Variants in RCC2 observed in about 807,000 individuals in gnomAD.
RCC2 encodes the protein protein RCC2.
In RCC2, 19 loss-of-function variants were observed where a neutral mutation model predicts 64.1. The ratio of observed to expected loss-of-function variants is 0.30; its 90% CI spans 0.21 to 0.44. The LOEUF is 0.44. RCC2 is among the 20% of genes least tolerant of loss of function. The pLI is 1.00. For synonymous variants in RCC2, 325 were observed against 279.6 expected (o/e 1.16, Z -1.62); for missense variants, 508 against 710.4 (o/e 0.72, Z 3.24).
intron 3 of RCC2, among the ~76,000 whole-genome samples, chr1:17,426,325 C>T (rs2075615775): frequency 6.6e-6 from 1 of 152,162 alleles, no homozygotes; most frequent in South Asian, 2.1e-4. Context: ...ACCCCACCTC[C>T]TGCTCCCTTC....
In RCC2 at chr1:17,409,958, A is replaced by C. The variant is rs2075407100; in HGVS notation, c.1464+16T>G. The C allele has an allele frequency of 1.2e-6, 2 of 1,611,656 alleles. No individual in the cohort carries two copies. The highest frequency in any genetic ancestry group is 1.7e-4 in the Middle Eastern group (1 of 6,050). On this transcript the variant is annotated intron_variant, in intron 12 of 12. Coordinates refer to ENST00000375436, the MANE Select transcript of RCC2 (RefSeq NM_018715.4). The stretch of plus-strand genomic sequence containing the variant: ...TACGGACACGTCCCCGAGCTGGCAC[A>C]GCTGCCCCCACTCACCTGCTCTGAG...
At chr1:17,418,180 C>T (rs1204199675) in intron 7 of RCC2, among the ~76,000 whole-genome samples, 2 of 151,518 alleles carry the variant, frequency 1.3e-5, no homozygotes, top group African/African-American at 2.4e-5. Context: ...GTTTACAGGG[C>T]GCCTTATAAC....
intron 7 of RCC2, among the ~76,000 whole-genome samples, chr1:17,417,288 C>T (rs111462342): frequency 6.6e-6 from 1 of 152,350 alleles, no homozygotes; most frequent in South Asian, 2.1e-4. Context: ...TGAGAACACG[C>T]CAGACACCCA....
At chr1:17,437,649 C>G (rs982734155) in intron 2 of RCC2, among the ~76,000 whole-genome samples, 1 of 4,182 alleles carries the variant, frequency 2.4e-4, no homozygotes, top group South Asian at 0.1. Flanking sequence ...GGGGCTTCCC[C>G]GACCTCGGGG....
chr1:17,424,416 G>T (rs796625334), intron 4 of RCC2, among the ~76,000 whole-genome samples: 8 of 152,332 alleles, frequency 5.3e-5, no homozygotes, highest in African/African-American at 1.9e-4. Context: ...GACATAAAAG[G>T]CTGTGTTCAG....
At position 17,413,706 on chromosome 1, in the gene RCC2, G is replaced by A. The variant is rs1424346510; in HGVS notation, c.1038C>T (p.Asp346=). 2.5e-6 allele frequency: 4 copies of A among 1,609,222 alleles called. No individual in the cohort carries two copies. In the South Asian group the frequency reaches 3.3e-5, roughly 13 times the overall value. The part of the protein sequence containing the change: ...ACGANHTLVL[D]SQKRVFSWGF... ...CCCAGGAGAAGACTCGCTTCTGGGA[G>A]TCCAGGACCAGCTGCAAGGAAAGAA... Residue 346 remains aspartate, a synonymous_variant, in exon 9 of 13, where the codon GAC becomes GAT. Coordinates refer to ENST00000375436, the MANE Select transcript of RCC2 (RefSeq NM_018715.4).
chr1:17,414,017 T>TCC (rs1298577255), intron 8 of RCC2, among the ~76,000 whole-genome samples: 1 of 151,948 alleles, frequency 6.6e-6, no homozygotes, highest in African/African-American at 2.4e-5. Context: ...ATCCTCTACC[T>TCC]CCCGCCTCCA....
At chr1:17,420,663 C>A in intron 7 of RCC2, 51 bp downstream of exon 7, 1 of 1,193,542 alleles carries the variant, frequency 8.4e-7, no homozygotes, top group South Asian at 1.5e-5. Context: ...ATCTCTAGTT[C>A]TGAATATATA....
In RCC2 at chr1:17,425,684, G is replaced by A; in HGVS notation, c.380C>T (p.Ala127Val). Reference protein sequence around the residue: ...IGRKEVPKQQAAYRNLGQNLW... With the variant: ...IGRKEVPKQQVAYRNLGQNLW... The stretch of plus-strand genomic sequence containing the variant: ...ATTCTGACCGAGATTGCGGTAAGCA[G>A]CTGCAGAGAGAATGAGAATGCAGAT... Residue 127 changes from alanine to valine, a missense_variant and splice_region_variant, in exon 4 of 13, where the codon GCT becomes GTT. By Grantham distance (64) the Ala-to-Val change is moderately conservative (BLOSUM62 0). Around this residue, in one of 4 missense-constraint regions of RCC2, gnomAD observed 132 missense variants for 207.3 expected, o/e 0.64. Coordinates refer to ENST00000375436, the MANE Select transcript of RCC2 (RefSeq NM_018715.4). 6.2e-7 allele frequency: 1 copy of A among 1,605,664 alleles called. No individual in the cohort carries two copies. Among genetic ancestry groups the A allele is most frequent in the Middle Eastern group, 1.7e-4 (1 of 6,030 alleles).
intron 2 of RCC2, among the ~76,000 whole-genome samples, chr1:17,429,961 C>T (rs550631431): frequency 2.6e-5 from 4 of 152,282 alleles, no homozygotes; most frequent in Non-Finnish European, 5.9e-5. Context: ...ATACTGTCAA[C>T]GAAAATCTAC....
At chr1:17,422,875 T>C in intron 4 of RCC2, 39 bp from the exon 5 acceptor site, 1 of 1,612,006 alleles carries the variant, frequency 6.2e-7, no homozygotes, top group Non-Finnish European at 8.5e-7. Flanking sequence ...AGAGAGAGGG[T>C]GGTCCAGGCG....
chr1:17,421,592 A>G (rs1374456103), intron 6 of RCC2, among the ~76,000 whole-genome samples: 3 of 152,172 alleles, frequency 2.0e-5, no homozygotes, highest in Non-Finnish European at 4.4e-5. Context: ...GGGGAAGTAC[A>G]ATTACATCCA....
Position 17,422,783 on chromosome 1 carries a change from G to C in RCC2, c.577C>G (p.Pro193Ala). 6.2e-7 allele frequency: 1 copy of C among 1,614,098 alleles called. No individual in the cohort carries two copies. The highest frequency in any genetic ancestry group is 8.5e-7 in the Non-Finnish European group (1 of 1,180,028). Reference sequence around the variant, plus strand: ...TGGCTAAGACCCTCGATGAGTCTAGGGGCTTCTACTCTCTTGGTGTCACCA... The same window carrying C: ...TGGCTAAGACCCTCGATGAGTCTAGCGGCTTCTACTCTCTTGGTGTCACCA... Reference protein sequence around the residue: ...GHGDTKRVEAPRLIEGLSHEV... With the variant: ...GHGDTKRVEAARLIEGLSHEV... Residue 193 changes from proline (P) to alanine (A), a missense_variant, in exon 5 of 13, where the codon CCT (proline) becomes GCT (alanine). Pro to Ala is a conservative substitution (Grantham distance 27). Transcript: ENST00000375436.
At chr1:17,437,413 G>A (rs553403414) in intron 2 of RCC2, among the ~76,000 whole-genome samples, 26 of 152,310 alleles carry the variant, frequency 1.7e-4, no homozygotes, top group African/African-American at 6.3e-4. Flanking sequence ...GGGGTGGGGA[G>A]ATGCTGTGGC....
chr1:17,430,457 C>G (rs2075663170), intron 2 of RCC2, among the ~76,000 whole-genome samples: 1 of 146,392 alleles, frequency 6.8e-6, no homozygotes, highest in Non-Finnish European at 1.5e-5. Context: ...CACCTGCTCT[C>G]CAGCTTAGGT....
intron 2 of RCC2, among the ~76,000 whole-genome samples, chr1:17,437,809 G>A (rs1194093902): frequency 6.9e-6 from 1 of 145,204 alleles, no homozygotes; most frequent in Admixed American, 6.8e-5. Flanking sequence ...CGGGCGCAGC[G>A]GCGGCCACGG....
chr1:17,417,735 C>T (rs565314357), intron 7 of RCC2, among the ~76,000 whole-genome samples: 6 of 152,044 alleles, frequency 3.9e-5, no homozygotes, highest in Non-Finnish European at 5.9e-5. Context: ...AACTAGCCCC[C>T]GGCTTGTGGC....
chr1:17,417,862 A>G lies in RCC2; in HGVS notation c.860-1216T>C, dbSNP rs557231457. Among the ~76,000 whole-genome samples, 185 of 152,208 alleles carry G rather than the reference A, an allele frequency of 1.2e-3. 1 individual carries two copies. Among genetic ancestry groups the G allele is most frequent in the Non-Finnish European group, 2.3e-3 (154 of 67,994 alleles). ...CTCCATGGCCACAGGTTCAACCAAC[A>G]GTGGTCCAAAAATATCTGGGGGGAG... On this transcript the variant is annotated intron_variant, in intron 7 of 12. Transcript: ENST00000375436.
Position 17,413,572 on chromosome 1 carries a change from G to A in RCC2, c.1172C>T (p.Ala391Val). Residue 391 changes from alanine (A) to valine (V), a missense_variant, in exon 9 of 13, where the codon GCT (alanine) becomes GTT (valine). This residue lies in a region of RCC2 where 179 missense variants were observed against 322.0 expected (regional missense o/e 0.56). Coordinates refer to ENST00000375436, the MANE Select transcript of RCC2 (RefSeq NM_018715.4). Reference sequence around the variant, plus strand: ...GACAGCAAAGGAGCAGGTGTAACCAGCATAGATCTGGGAAGCCCCACGCCC... The same window carrying A: ...GACAGCAAAGGAGCAGGTGTAACCAACATAGATCTGGGAAGCCCCACGCCC... Reference protein sequence around the residue: ...FPGRGASQIYAGYTCSFAVSE... With the variant: ...FPGRGASQIYVGYTCSFAVSE... 6.2e-7 allele frequency: 1 copy of A among 1,614,028 alleles called. No individual in the cohort carries two copies. The highest frequency in any genetic ancestry group is 8.5e-7 in the Non-Finnish European group (1 of 1,179,928).
Sources: allele counts gnomAD v4.1 joint callset (sites outside exome capture counted in the v4.1 genomes callset), GRCh38; gene constraint gnomAD v4.1.1; regional missense constraint gnomAD v4.1.1; transcripts MANE v1.5; gene names NCBI Gene and HGNC (gene_info 2026-07-23, HGNC 2026-07-21).